The following C9orf72 variants were observed in gnomAD, a reference collection of about 807,000 sequenced individuals.
C9orf72 encodes C9orf72-SMCR8 complex subunit, also known as guanine nucleotide exchange factor C9orf72.
Under a neutral mutation model 51.6 loss-of-function variants are expected in C9orf72, and 44 were observed. That is an observed-to-expected ratio of 0.85 (90% CI 0.67 to 1.10). The LOEUF is 1.10. C9orf72 is among the 50% of genes least tolerant of loss of function. C9orf72 has a pLI of 0.00. For synonymous variants in C9orf72, 213 were observed against 194.2 expected, an observed-to-expected ratio of 1.10 and a Z score of -0.81; for missense variants, 607 against 570.6, an observed-to-expected ratio of 1.06 and a Z score of -0.65.
rs530356443 is a variant in C9orf72 at position 27,567,312 on chromosome 9, C to T, written c.-44-148G>A. On this transcript the variant is annotated intron_variant, in intron 1 of 10. Transcript: ENST00000380003. ...CTCCTATCAGGATAAAGACATTCAA[C>T]TAGCACAGTAGGTGCACATTAAATG... The T allele has an allele frequency of 5.5e-5, 33 of 595,918 alleles. 1 individual carries two copies. The highest frequency in any genetic ancestry group is 4.4e-4 in the Middle Eastern group (1 of 2,270). 36.9% of individuals were successfully genotyped at this position (595,918 alleles called of 1,614,324 possible).
At position 27,547,550 on chromosome 9, in the gene C9orf72, T is replaced by G. The variant is rs1274588825; in HGVS notation, c.*686A>C. 1 of 152,614 alleles carries G rather than the reference T, an allele frequency of 6.6e-6. No individual in the cohort carries two copies. The highest frequency in any genetic ancestry group is 2.4e-5 in the African/African-American group (1 of 41,446). 9.5% of individuals were successfully genotyped at this position (152,614 alleles called of 1,614,324 possible). A position where few individuals can be genotyped will look rare whatever the true frequency, so the allele number is the denominator to read the frequency against. On this transcript the variant is annotated 3_prime_UTR_variant, in exon 11 of 11. Coordinates refer to ENST00000380003, the MANE Select transcript of C9orf72 (RefSeq NM_018325.5). ...TTTCCTTTTACAGAGCTCAACTACA[T>G]AGAATATCAACAATAGCAAGAACAA...
chr9:27,559,616 C>A (rs1391166179), intron 6 of C9orf72: 1 of 152,082 alleles, frequency 6.6e-6, no homozygotes, highest in South Asian at 2.1e-4. Context: ...GAAAGATACA[C>A]ATACTTATCT....
chr9:27,549,838 G>C (rs1266051594), intron 9 of C9orf72, among the ~76,000 whole-genome samples: 2 of 149,304 alleles, frequency 1.3e-5, no homozygotes, highest in Non-Finnish European at 3.0e-5. Context: ...TTTGTTGTTT[G>C]ACGTATGGAA....
chr9:27,553,141 T>TGCCC (rs1374212755), intron 8 of C9orf72, among the ~76,000 whole-genome samples: 1 of 152,176 alleles, frequency 6.6e-6, no homozygotes, highest in Non-Finnish European at 1.5e-5. Context: ...ATGGCCATAC[T>TGCCC]GCCCAAAGCA....
chr9:27,560,017 C>T (rs1028555136), intron 6 of C9orf72: 8 of 296,416 alleles, frequency 2.7e-5, no homozygotes, highest in Admixed American at 9.6e-5. Flanking sequence ...CTGGTATTTC[C>T]GAGCTATCAA....
intron 8 of C9orf72, among the ~76,000 whole-genome samples, chr9:27,555,294 C>T (rs1187012034): frequency 6.6e-6 from 1 of 152,076 alleles, no homozygotes; most frequent in Non-Finnish European, 1.5e-5. Context: ...AAAATGGGTC[C>T]TATATTAAGT....
chr9:27,562,883 T>G (rs10441712), intron 3 of C9orf72, among the ~76,000 whole-genome samples: 1 of 151,774 alleles, frequency 6.6e-6, no homozygotes, highest in Non-Finnish European at 1.5e-5. Context: ...GTTGGCCAGG[T>G]TGGTGTCAAA....
intron 8 of C9orf72, among the ~76,000 whole-genome samples, chr9:27,555,389 G>A (rs1435692653): frequency 6.6e-6 from 1 of 152,114 alleles, no homozygotes; most frequent in Non-Finnish European, 1.5e-5. Flanking sequence ...AACACTTACT[G>A]TGTAATTACT....
intron 9 of C9orf72, among the ~76,000 whole-genome samples, chr9:27,549,552 C>T (rs1820862139): frequency 6.6e-6 from 1 of 152,098 alleles, no homozygotes; most frequent in Non-Finnish European, 1.5e-5. Context: ...TATTTCAAAG[C>T]TTTATCTATG....
intron 8 of C9orf72, among the ~76,000 whole-genome samples, chr9:27,555,735 TTA>T (rs1820995201): frequency 6.6e-6 from 1 of 151,944 alleles, no homozygotes; most frequent in South Asian, 2.1e-4. Flanking sequence ...TAATTCTTTT[TTA>T]TTTTTTGTAG....
rs763867472 is a variant in C9orf72 at position 27,566,932 on chromosome 9, G to A, written c.189C>T (p.Ala63=). ...LLSDGEITFL[A]NHTLNGEILR... ...GGATTTCTCCATTTAGAGTGTGGTT[G>A]GCAAGAAAAGTTATTTCTCCATCAC... Residue 63 remains alanine, a synonymous_variant, in exon 2 of 11, where the codon GCC becomes GCT. Transcript: ENST00000380003. 5 of 1,613,946 alleles carry A rather than the reference G, an allele frequency of 3.1e-6. No homozygotes were observed. Among genetic ancestry groups the A allele is most frequent in the African/African-American group, 1.3e-5 (1 of 74,910 alleles).
intron 9 of C9orf72, 95 bp downstream of exon 9, chr9:27,550,555 G>C (rs1820885478): frequency 1.4e-6 from 1 of 732,768 alleles, no homozygotes; most frequent in South Asian, 2.0e-5. Context: ...CATGATCCAG[G>C]GGAATATAAA....
chr9:27,554,883 T>A (rs976289513), intron 8 of C9orf72, among the ~76,000 whole-genome samples: 5 of 152,220 alleles, frequency 3.3e-5, no homozygotes, highest in African/African-American at 1.2e-4. Context: ...TATTATTTTG[T>A]CATGATCAGC....
chr9:27,561,403 A>G, intron 5 of C9orf72, 182 bp downstream of exon 5: 2 of 1,370,710 alleles, frequency 1.5e-6, no homozygotes, highest in Non-Finnish European at 9.4e-7. Context: ...GAATAACACC[A>G]AATATATATA....
At chr9:27,560,194 T>C in intron 6 of C9orf72, 33 bp downstream of exon 6, 1 of 1,408,428 alleles carries the variant, frequency 7.1e-7, no homozygotes, top group Non-Finnish European at 9.9e-7. Context: ...TCTTAAAGAG[T>C]CAAATCATTT....
intron 4 of C9orf72, 63 bp from the exon 5 acceptor site, chr9:27,561,712 T>C: frequency 1.9e-6 from 2 of 1,058,358 alleles, no homozygotes; most frequent in Non-Finnish European, 2.8e-6. Context: ...AATAACACTT[T>C]TAATATACAA....
chr9:27,565,416 A>C, intron 3 of C9orf72, 115 bp downstream of exon 3: 1 of 580,366 alleles, frequency 1.7e-6, no homozygotes, highest in Non-Finnish European at 3.0e-6. Flanking sequence ...ACCTCCATAA[A>C]AGCTCCATTA....
chr9:27,557,394 C>G (rs1246862936), intron 7 of C9orf72, among the ~76,000 whole-genome samples: 1 of 152,094 alleles, frequency 6.6e-6, no homozygotes, highest in African/African-American at 2.4e-5. Context: ...GTGCTATGAA[C>G]AGAACAGAAG....
In C9orf72 at chr9:27,556,607, C is replaced by G; in HGVS notation, c.1045G>C (p.Ala349Pro). The G allele has an allele frequency of 6.2e-7, 1 of 1,613,714 alleles. No individual in the cohort carries two copies. The highest frequency in any genetic ancestry group is 2.2e-5 in the East Asian group (1 of 44,852). Residue 349 changes from alanine to proline, a missense_variant, in exon 8 of 11, where the codon GCT becomes CCT. Physicochemically the swap from Ala to Pro is conservative, Grantham distance 27. Transcript: ENST00000380003. ...TCAGTGTAGATGATCGTATCCTGAG[C>G]CATGTCTTCTTCTGAAGTGGCTCTC... ...FWRATSEEDM[A>P]QDTIIYTDES...
Sources: gnomAD v4.1 joint callset for allele counts (sites outside exome capture counted in the v4.1 genomes callset) on GRCh38, gnomAD v4.1.1 for gene constraint, MANE v1.5 for transcripts, NCBI Gene and HGNC (gene_info 2026-07-23, HGNC 2026-07-21) for gene names.